Variants in ACYP2 observed in about 807,000 individuals in gnomAD.
ACYP2 encodes the protein acylphosphatase-2.
ACYP2 carries 12 observed loss-of-function variants against 11.2 expected under a neutral mutation model. The observed-to-expected ratio is 1.08, with a 90% CI of 0.69 to 1.74. The LOEUF is 1.74. ACYP2 is among the 40% of genes most tolerant of loss of function. The pLI is 0.00. For missense variants in ACYP2, 134 were observed against 101.9 expected (o/e 1.31, Z -1.35); for synonymous variants, 43 against 32.2 (o/e 1.33, Z -1.13).
chr2:54,138,959 A>G (rs2287639), intron 6 of ACYP2, among the ~76,000 whole-genome samples: 74,891 of 152,026 alleles, frequency 0.49, 18,657 homozygotes, highest in African/African-American at 0.54. Flanking sequence ...CTGGCCTTAT[A>G]AGGCTACTTT....
chr2:54,218,704 G>T (rs1222975418), intron 6 of ACYP2, among the ~76,000 whole-genome samples: 2 of 152,120 alleles, frequency 1.3e-5, no homozygotes, highest in Non-Finnish European at 2.9e-5. Flanking sequence ...GTGGTACTAG[G>T]TTCTCATCAG....
At chr2:54,301,808 A>C (rs1419587577) in intron 6 of ACYP2, among the ~76,000 whole-genome samples, 1 of 152,192 alleles carries the variant, frequency 6.6e-6, no homozygotes, top group Non-Finnish European at 1.5e-5. Flanking sequence ...CACTTACCAA[A>C]GACTGACTGC....
At chr2:54,202,623 G>T (rs979535037) in intron 6 of ACYP2, among the ~76,000 whole-genome samples, 16 of 135,576 alleles carry the variant, frequency 1.2e-4, no homozygotes, top group African/African-American at 4.5e-4. Flanking sequence ...GGCCGGGTTG[G>T]TTTCGAACTC....
At chr2:54,169,003 A>T (rs906863050) in intron 6 of ACYP2, among the ~76,000 whole-genome samples, 9 of 152,200 alleles carry the variant, frequency 5.9e-5, no homozygotes, top group Non-Finnish European at 1.0e-4. Flanking sequence ...TGGGATTTGT[A>T]AAGCTTGGTT....
chr2:54,188,258 A>G (rs1684093824), intron 6 of ACYP2, among the ~76,000 whole-genome samples: 1 of 152,198 alleles, frequency 6.6e-6, no homozygotes, highest in African/African-American at 2.4e-5. Flanking sequence ...ATATTTACTT[A>G]AAACACACTC....
chr2:54,043,063 TGTGTGTGGG>T (rs1443185922), intron 2 of ACYP2, among the ~76,000 whole-genome samples: 7 of 150,366 alleles, frequency 4.7e-5, no homozygotes, highest in African/African-American at 1.7e-4. Context: ...TAATATGGGG[TGTGTGTGGG>T]GTGTGTGTGT....
At chr2:54,186,131 A>G (rs1260911061) in intron 6 of ACYP2, among the ~76,000 whole-genome samples, 1 of 152,162 alleles carries the variant, frequency 6.6e-6, no homozygotes, top group Non-Finnish European at 1.5e-5. Flanking sequence ...TTTTTAAACC[A>G]TTAAATTGGC....
At position 53,994,321 on chromosome 2, in the gene ACYP2, C is replaced by T. The variant is rs1177431062; in HGVS notation, c.62+20511C>T. Reference sequence around the variant, plus strand: ...CTCTAGCCTGGGTAACAGAGCAAGACTCCGTCTCAAAAAAAAAAAAAAAAA... The same window carrying T: ...CTCTAGCCTGGGTAACAGAGCAAGATTCCGTCTCAAAAAAAAAAAAAAAAA... On this transcript the variant is annotated intron_variant, in intron 2 of 6. Coordinates refer to ENST00000607452, the MANE Select transcript of ACYP2 (RefSeq NM_001320586.2). 7.8e-5 allele frequency among the ~76,000 whole-genome samples: 9 copies of T among 115,092 alleles called. No homozygotes were observed. In the South Asian group the frequency reaches 3.1e-3, roughly 39 times the overall value. The allele number at this position is 115,092 out of a possible 152,430, so 75.5% of individuals were successfully genotyped here.
At chr2:54,244,063 C>A (rs952583722) in intron 6 of ACYP2, among the ~76,000 whole-genome samples, 4 of 151,942 alleles carry the variant, frequency 2.6e-5, no homozygotes, top group African/African-American at 9.7e-5. Flanking sequence ...AAATTTAAAT[C>A]TTTACTCCTT....
intron 6 of ACYP2, among the ~76,000 whole-genome samples, chr2:54,277,126 A>G (rs1402329773): frequency 6.6e-6 from 1 of 152,212 alleles, no homozygotes; most frequent in Non-Finnish European, 1.5e-5. Flanking sequence ...ATCCTTGATT[A>G]TTAGGATAGA....
intron 4 of ACYP2, among the ~76,000 whole-genome samples, chr2:54,100,027 C>T (rs1572751839): frequency 6.6e-6 from 1 of 152,170 alleles, no homozygotes; most frequent in African/African-American, 2.4e-5. Context: ...ATTTGCATTT[C>T]CCTGTTCTTC....
intron 4 of ACYP2, chr2:54,123,397 T>C (rs1680270980): frequency 2.5e-6 from 1 of 398,616 alleles, no homozygotes; most frequent in Non-Finnish European, 4.4e-6. Context: ...ACTGCCCTTG[T>C]TCTACAAATA....
At chr2:54,031,893 T>C (rs1674604617) in intron 2 of ACYP2, among the ~76,000 whole-genome samples, 1 of 152,258 alleles carries the variant, frequency 6.6e-6, no homozygotes, top group Non-Finnish European at 1.5e-5. Context: ...TGAGCATTTT[T>C]TCATGTGTCT....
At chr2:53,981,897 A>T (rs1365013111) in intron 2 of ACYP2, among the ~76,000 whole-genome samples, 2 of 152,224 alleles carry the variant, frequency 1.3e-5, no homozygotes, top group Non-Finnish European at 2.9e-5. Flanking sequence ...TGATGTATTT[A>T]TTTAATGATA....
chr2:54,278,321 A>C (rs1688703309), intron 6 of ACYP2, among the ~76,000 whole-genome samples: 1 of 152,204 alleles, frequency 6.6e-6, no homozygotes, highest in African/African-American at 2.4e-5. Context: ...TTTCTCTATG[A>C]AAGGTTTTTT....
At chr2:54,108,377 GTTATT>G (rs1437187213) in intron 4 of ACYP2, among the ~76,000 whole-genome samples, 2 of 152,198 alleles carry the variant, frequency 1.3e-5, no homozygotes, top group Non-Finnish European at 2.9e-5. Context: ...AAGTAGATGA[GTTATT>G]TTAAAGACAC....
At chr2:54,001,871 T>A (rs1190478797) in intron 2 of ACYP2, among the ~76,000 whole-genome samples, 1 of 152,194 alleles carries the variant, frequency 6.6e-6, no homozygotes, top group African/African-American at 2.4e-5. Context: ...TGTTTTAGGT[T>A]CACAGAAAAA....
intron 2 of ACYP2, among the ~76,000 whole-genome samples, chr2:53,974,656 T>G (rs1474953723): frequency 6.6e-6 from 1 of 152,200 alleles, no homozygotes; most frequent in African/African-American, 2.4e-5. Flanking sequence ...CAGGATTGTG[T>G]GACATACAGT....
At chr2:54,272,258 T>G (rs1688340111) in intron 6 of ACYP2, among the ~76,000 whole-genome samples, 1 of 152,104 alleles carries the variant, frequency 6.6e-6, no homozygotes, top group Non-Finnish European at 1.5e-5. Flanking sequence ...GGCCTAACTA[T>G]GGGGGTCTGT....
Sources: gnomAD v4.1 joint callset for allele counts (sites outside exome capture counted in the v4.1 genomes callset) on GRCh38, gnomAD v4.1.1 for gene constraint, MANE v1.5 for transcripts, NCBI Gene and HGNC (gene_info 2026-07-23, HGNC 2026-07-21) for gene names.